Variants in RANBP2 observed in about 807,000 individuals in gnomAD.
RANBP2 encodes the protein E3 SUMO-protein ligase RanBP2.
Under a neutral mutation model 303.6 loss-of-function variants are expected in RANBP2, and 57 were observed. The ratio of observed to expected loss-of-function variants is 0.19; its 90% CI spans 0.15 to 0.23. The LOEUF (loss-of-function observed/expected upper bound fraction) is 0.23, where lower values mean the gene tolerates loss of function less well. Among genes scored for constraint, RANBP2 ranks in the 10% least tolerant of loss-of-function variants. The pLI, the probability that RANBP2 is intolerant of heterozygous loss-of-function variation, is 1.00. For missense variants in RANBP2, 3,138 were observed against 3,780.8 expected (o/e 0.83, Z 4.46); for synonymous variants, 1,167 against 1,301.5 (o/e 0.90, Z 2.23).
chr2:109,519,708 G>A, the RANBP2 span, among the ~76,000 whole-genome samples: 1 of 152,184 alleles, frequency 6.6e-6, no homozygotes, highest in African/African-American at 2.4e-5. Context: ...GAGAGGCCCA[G>A]ACCCTGGGTA....
At chr2:108,814,446 G>A in the RANBP2 span, among the ~76,000 whole-genome samples, 3 of 151,912 alleles carry the variant, frequency 2.0e-5, no homozygotes, top group African/African-American at 4.8e-5. Context: ...GAAGATAATC[G>A]AAGTTTTCAT....
At chr2:109,554,866 C>T in the RANBP2 span, among the ~76,000 whole-genome samples, 4 of 152,156 alleles carry the variant, frequency 2.6e-5, no homozygotes, top group Non-Finnish European at 4.4e-5. Flanking sequence ...ACTAGAGTCA[C>T]TGGAATCACT....
the RANBP2 span, among the ~76,000 whole-genome samples, chr2:109,250,956 T>C: frequency 6.6e-6 from 1 of 152,084 alleles, no homozygotes; most frequent in Non-Finnish European, 1.5e-5. Flanking sequence ...TTTAGGCATA[T>C]ACATTGCATT....
At chr2:109,659,237 C>T in the RANBP2 span, among the ~76,000 whole-genome samples, 8 of 151,052 alleles carry the variant, frequency 5.3e-5, no homozygotes, top group South Asian at 2.1e-4. Context: ...ACTAGCTGGG[C>T]GTGGTGGTGT....
the RANBP2 span, chr2:108,846,559 C>G: frequency 1.3e-5 from 2 of 156,116 alleles, no homozygotes; most frequent in African/African-American, 4.8e-5. Flanking sequence ...TGCCTGTAGT[C>G]CCAGCTTCTT....
At chr2:109,632,809 ACT>A in the RANBP2 span, among the ~76,000 whole-genome samples, 2 of 147,978 alleles carry the variant, frequency 1.4e-5, no homozygotes, top group African/African-American at 2.5e-5. Context: ...ACAGAGCGAG[ACT>A]CTGTCTCAAA....
At chr2:109,095,196 C>T in the RANBP2 span, among the ~76,000 whole-genome samples, 1 of 152,200 alleles carries the variant, frequency 6.6e-6, no homozygotes, top group African/African-American at 2.4e-5. Context: ...AAGAGTCAGA[C>T]CTTATCTTCA....
intron 2 of RANBP2, 85 bp downstream of exon 2, chr2:108,729,284 C>G (rs1694983780): frequency 5.2e-6 from 7 of 1,349,220 alleles, no homozygotes; most frequent in African/African-American, 1.5e-5. Flanking sequence ...AAAATATGTT[C>G]TTAGTAGTTC....
chr2:108,749,679 ACTT>A (rs1675698850), intron 9 of RANBP2, among the ~76,000 whole-genome samples: 1 of 151,990 alleles, frequency 6.6e-6, no homozygotes, highest in African/African-American at 2.4e-5. Flanking sequence ...GATACCTTGA[ACTT>A]CTGGGCTCAA....
chr2:109,737,577 T>C, the RANBP2 span: 1 of 411,430 alleles, frequency 2.4e-6, no homozygotes, highest in East Asian at 4.7e-5. Flanking sequence ...TTTTCTTTTC[T>C]TTGGATGTAT....
At chr2:108,724,748 CA>C (rs887199966) in intron 1 of RANBP2, among the ~76,000 whole-genome samples, 100 of 151,728 alleles carry the variant, frequency 6.6e-4, no homozygotes, top group African/African-American at 2.2e-3. Flanking sequence ...CCTTATGTTC[CA>C]GGGGAAGAAG....
the RANBP2 span, among the ~76,000 whole-genome samples, chr2:108,937,015 A>G: frequency 1.3e-5 from 2 of 152,166 alleles, no homozygotes; most frequent in Non-Finnish European, 2.9e-5. Flanking sequence ...GAGGCCCCCC[A>G]CAGTGCTGTG....
At chr2:109,222,094 C>T in the RANBP2 span, among the ~76,000 whole-genome samples, 1 of 152,022 alleles carries the variant, frequency 6.6e-6, no homozygotes, top group Non-Finnish European at 1.5e-5. Flanking sequence ...ACAAGCCAGG[C>T]ACAGAAAGGC....
chr2:109,360,168 C>A, the RANBP2 span, among the ~76,000 whole-genome samples: 1 of 152,100 alleles, frequency 6.6e-6, no homozygotes, highest in African/African-American at 2.4e-5. Flanking sequence ...TGTTTAACAG[C>A]TGATACAGGT....
chr2:109,388,462 C>T, the RANBP2 span, among the ~76,000 whole-genome samples: 1 of 152,214 alleles, frequency 6.6e-6, no homozygotes, highest in Non-Finnish European at 1.5e-5. Flanking sequence ...GCAAGATCCA[C>T]CACCCTCCCC....
the RANBP2 span, among the ~76,000 whole-genome samples, chr2:109,241,373 A>G: frequency 6.6e-6 from 1 of 152,060 alleles, no homozygotes; most frequent in Non-Finnish European, 1.5e-5. Context: ...TTGCTGTGGG[A>G]CCCTCTCCCC....
At chr2:109,349,030 T>A in the RANBP2 span, among the ~76,000 whole-genome samples, 2 of 152,148 alleles carry the variant, frequency 1.3e-5, no homozygotes, top group Non-Finnish European at 2.9e-5. Flanking sequence ...TCTCTCTCTC[T>A]CTCTCTCACA....
the RANBP2 span, among the ~76,000 whole-genome samples, chr2:109,027,261 A>C: frequency 5.9e-5 from 9 of 151,322 alleles, no homozygotes; most frequent in Admixed American, 5.3e-4. Context: ...AAAAAAAAAA[A>C]AAACAAGGAC....
chr2:109,218,079 G>A, the RANBP2 span, among the ~76,000 whole-genome samples: 2 of 152,096 alleles, frequency 1.3e-5, no homozygotes, highest in Middle Eastern at 3.2e-3. Flanking sequence ...CTGTGTTGTG[G>A]TAAGAGTAGT....
Sources: allele counts gnomAD v4.1 joint callset (sites outside exome capture counted in the v4.1 genomes callset), GRCh38; gene constraint gnomAD v4.1.1; transcripts MANE v1.5; gene names NCBI Gene and HGNC (gene_info 2026-07-23, HGNC 2026-07-21).